DMXL1: variants seen among roughly 807,000 people sequenced by gnomAD.
DMXL1 encodes the protein Dmx like 1.
In DMXL1, 99 loss-of-function variants were observed where a neutral mutation model predicts 319.2. That is an observed-to-expected ratio of 0.31 (90% CI 0.26 to 0.37). The LOEUF (loss-of-function observed/expected upper bound fraction) is 0.37, where lower values mean the gene tolerates loss of function less well. Ranked by LOEUF, DMXL1 falls within the 10% of genes least tolerant of loss-of-function variation. The probability of loss-of-function intolerance (pLI) is 1.00; values close to 1 mark genes in which losing one functional copy is unlikely to be tolerated. For missense variants in DMXL1, 3,745 were observed against 3,595.6 expected, an observed-to-expected ratio of 1.04 and a Z score of -1.06; for synonymous variants, 1,385 against 1,235.2, an observed-to-expected ratio of 1.12 and a Z score of -2.54.
chr5:119,149,582 C>T lies in DMXL1; in HGVS notation c.3755C>T (p.Thr1252Ile). ...TCTTCTAAACAAGAACCTGTTATAA[C>T]AGATTCGTACAGTGGGAGCACTCCA... ...QPSSKQEPVI[T>I]DSYSGSTPSI... The change falls in exon 18 of 44, where the codon ACA becomes ATA. Residue 1252 changes from threonine to isoleucine, a missense_variant. By Grantham distance (89) the Thr-to-Ile change is moderately conservative (BLOSUM62 -1). Transcript: ENST00000539542. The T allele has an allele frequency of 6.2e-7, 1 of 1,613,930 alleles. No homozygotes were observed. The highest frequency in any genetic ancestry group is 8.5e-7 in the Non-Finnish European group (1 of 1,179,902).
chr5:119,121,013 G>T lies in DMXL1; in HGVS notation c.976G>T (p.Ala326Ser), dbSNP rs1444953102. 1 of 1,613,280 alleles carries T rather than the reference G, an allele frequency of 6.2e-7. No homozygotes were observed. The highest frequency in any genetic ancestry group is 2.2e-5 in the East Asian group (1 of 44,850). Residue 326 changes from alanine (A) to serine (S), a missense_variant, in exon 9 of 44, where the codon GCT (alanine) becomes TCT (serine). Physicochemically the swap from Ala to Ser is moderately conservative, Grantham distance 99. Transcript: ENST00000539542. Reference protein sequence around the residue: ...HFRRGRRRSLALVAHTGYLPH... With the variant: ...HFRRGRRRSLSLVAHTGYLPH... ...TCGTAGAGGTCGGAGGAGATCACTT[G>T]CTCTTGTAGCACATACGGGATATCT... is the stretch of plus-strand genomic sequence containing the variant.
At chr5:119,214,787 GA>G (rs1018393776) in intron 34 of DMXL1, among the ~76,000 whole-genome samples, 20 of 152,146 alleles carry the variant, frequency 1.3e-4, no homozygotes, top group African/African-American at 4.8e-4. Flanking sequence ...CCTACATAGA[GA>G]AAGGTTTTTT....
At chr5:119,192,272 C>T (rs537140677) in intron 29 of DMXL1, among the ~76,000 whole-genome samples, 3 of 152,308 alleles carry the variant, frequency 2.0e-5, no homozygotes, top group South Asian at 2.1e-4. Context: ...CTATCAGACA[C>T]CTTTTCTCGA....
At chr5:119,088,160 T>C (rs1022684071) in intron 1 of DMXL1, among the ~76,000 whole-genome samples, 1 of 152,224 alleles carries the variant, frequency 6.6e-6, no homozygotes, top group African/African-American at 2.4e-5. Flanking sequence ...TTTATAATTG[T>C]TTATACTATT....
intron 1 of DMXL1, among the ~76,000 whole-genome samples, chr5:119,092,173 C>T (rs887318274): frequency 2.0e-5 from 3 of 152,098 alleles, no homozygotes; most frequent in African/African-American, 7.2e-5. Context: ...TTTTTCATTC[C>T]TGTGGCCCCA....
intron 38 of DMXL1, among the ~76,000 whole-genome samples, chr5:119,227,791 T>C (rs1785877609): frequency 6.6e-6 from 1 of 152,180 alleles, no homozygotes; most frequent in South Asian, 2.1e-4. Flanking sequence ...TTCTTTTTGC[T>C]TTTACTCCTG....
At chr5:119,081,607 A>G in intron 1 of DMXL1, 1 of 985,386 alleles carries the variant, frequency 1.0e-6, no homozygotes, top group Non-Finnish European at 1.2e-6. Context: ...TGGATGCAAG[A>G]AGTGTAGATG....
chr5:119,131,689 G>T (rs1400934591), intron 10 of DMXL1, among the ~76,000 whole-genome samples: 1 of 152,278 alleles, frequency 6.6e-6, no homozygotes, highest in East Asian at 1.9e-4. Flanking sequence ...TGAGAAGCCA[G>T]TTTACTTATT....
chr5:119,071,265 G>A lies in DMXL1; in HGVS notation c.-305G>A, dbSNP rs1333042101. 5.3e-6 allele frequency: 2 copies of A among 376,888 alleles called. No individual in the cohort carries two copies. The highest frequency in any genetic ancestry group is 4.4e-5 in the African/African-American group (2 of 45,154). The allele number at this position is 376,888 out of a possible 1,614,324, so 23.3% of individuals were successfully genotyped here. On this transcript the variant is annotated 5_prime_UTR_variant, in exon 1 of 44. Coordinates refer to ENST00000539542, the MANE Select transcript of DMXL1 (RefSeq NM_001290321.3). ...GCGCGGCCTTCCTGGCCGGTGAGTCGGCCCCGGGTCGTGGCCGGTGAGGGG... is the reference window on the plus strand; with the variant it reads ...GCGCGGCCTTCCTGGCCGGTGAGTCAGCCCCGGGTCGTGGCCGGTGAGGGG...
chr5:119,167,887 T>G, intron 23 of DMXL1, 23 bp downstream of exon 23: 3 of 1,600,276 alleles, frequency 1.9e-6, no homozygotes, highest in Non-Finnish European at 2.6e-6. Context: ...TCTAAGATGT[T>G]AATGATTAAG....
At position 119,110,396 on chromosome 5, in the gene DMXL1, GTC is replaced by G. The variant is rs1759307855; in HGVS notation, c.497+115_497+116del. The stretch of plus-strand genomic sequence containing the variant: ...CTGACATAAAAAGTATTGATTTTTA[GTC>G]TATGATATGCTTTTTCTTATACACA... On this transcript the variant is annotated intron_variant, in intron 5 of 43. Transcript: ENST00000539542. 3.0e-5 allele frequency: 29 copies of G among 961,738 alleles called. No homozygotes were observed. In the East Asian group the frequency reaches 8.4e-4, roughly 28 times the overall value. 59.6% of individuals were successfully genotyped at this position (961,738 alleles called of 1,614,324 possible).
intron 5 of DMXL1, among the ~76,000 whole-genome samples, chr5:119,110,858 G>A (rs1759425639): frequency 6.6e-6 from 1 of 152,194 alleles, no homozygotes; most frequent in Non-Finnish European, 1.5e-5. Flanking sequence ...AATGATGTGA[G>A]GCTTACTGCA....
At chr5:119,241,709 C>T (rs1241125367) in intron 42 of DMXL1, among the ~76,000 whole-genome samples, 2 of 151,956 alleles carry the variant, frequency 1.3e-5, no homozygotes, top group Non-Finnish European at 2.9e-5. Context: ...TGTATGGTTC[C>T]CATGGTGTTA....
chr5:119,171,068 G>T lies in DMXL1; in HGVS notation c.6277G>T (p.Glu2093Ter). The T allele has an allele frequency of 6.2e-7, 1 of 1,613,854 alleles. No homozygotes were observed. Among genetic ancestry groups the T allele is most frequent in the African/African-American group, 1.3e-5 (1 of 75,006 alleles). Residue 2093 changes from glutamate (E) to a stop codon, truncating the protein, a stop_gained, in exon 24 of 44, where the codon GAA becomes TAA. Coordinates refer to ENST00000539542, the MANE Select transcript of DMXL1 (RefSeq NM_001290321.3). LOFTEE classifies it high-confidence loss of function. ...GTCTGCATTTGGCAGAAATGAAGAT[G>T]AATTTGGATTAAATGAGGATGCTGA... ...LQSAFGRNED[E>*]FGLNEDAEDL...
Position 119,170,743 on chromosome 5 carries a change from A to G in DMXL1, c.5952A>G (p.Lys1984=). 1 of 1,612,878 alleles carries G rather than the reference A, an allele frequency of 6.2e-7. No individual in the cohort carries two copies. Among genetic ancestry groups the G allele is most frequent in the South Asian group, 1.1e-5 (1 of 90,974 alleles). ...ATGAGGATGTCCCTATTTCAATGAAAGAACTAAAACCTTTACAGAGAAAAA... is the reference window on the plus strand; with the variant it reads ...ATGAGGATGTCCCTATTTCAATGAAGGAACTAAAACCTTTACAGAGAAAAA... ...EENEDVPISM[K]ELKPLQRKTD... The change falls in exon 24 of 44, where the codon AAA becomes AAG. Residue 1984 remains lysine (K), a synonymous_variant. Transcript: ENST00000539542.
intron 3 of DMXL1, among the ~76,000 whole-genome samples, chr5:119,103,156 A>T (rs571900068): frequency 3.7e-4 from 56 of 151,616 alleles, no homozygotes; most frequent in African/African-American, 1.3e-3. Context: ...TTCTGGGTCT[A>T]TCTAGCTAGT....
chr5:119,117,084 G>T (rs189294869), intron 7 of DMXL1, among the ~76,000 whole-genome samples: 1 of 152,034 alleles, frequency 6.6e-6, no homozygotes, highest in Admixed American at 6.6e-5. Flanking sequence ...ACTGGAGTGC[G>T]GTGCCCCAGT....
At chr5:119,106,810 A>G (rs1398243497) in intron 4 of DMXL1, among the ~76,000 whole-genome samples, 2 of 152,246 alleles carry the variant, frequency 1.3e-5, no homozygotes, top group South Asian at 2.1e-4. Flanking sequence ...TTAATATTAA[A>G]TGAATTAATG....
At chr5:119,082,483 C>T (rs908349446) in intron 1 of DMXL1, among the ~76,000 whole-genome samples, 5 of 152,086 alleles carry the variant, frequency 3.3e-5, no homozygotes, top group African/African-American at 1.2e-4. Flanking sequence ...CTGTATTACC[C>T]AGACTGGTCG....
Sources: gnomAD v4.1 joint callset for allele counts (sites outside exome capture counted in the v4.1 genomes callset) on GRCh38, gnomAD v4.1.1 for gene constraint, MANE v1.5 for transcripts, NCBI Gene and HGNC (gene_info 2026-07-23, HGNC 2026-07-21) for gene names.